The following IFT140 variants were observed in gnomAD, a reference collection of about 807,000 sequenced individuals.
The protein encoded by IFT140 is intraflagellar transport 140.
A neutral mutation model predicts 164.6 loss-of-function variants in IFT140; 133 were observed. That is an observed-to-expected ratio of 0.81 (90% CI 0.70 to 0.93). The LOEUF (loss-of-function observed/expected upper bound fraction) is 0.93, where lower values mean the gene tolerates loss of function less well. Among genes scored for constraint, IFT140 ranks in the 40% least tolerant of loss-of-function variants. The pLI is 0.00. For synonymous variants in IFT140, 860 were observed against 817.3 expected (o/e 1.05, Z -0.89); for missense variants, 2,045 against 1,972.3 (o/e 1.04, Z -0.70).
At chr16:1,525,169 T>C in intron 22 of IFT140, 62 bp downstream of exon 22, 1 of 1,375,102 alleles carries the variant, frequency 7.3e-7, no homozygotes. Context: ...CAGCAAGCCC[T>C]GGGGTCCCTG....
chr16:1,558,505 G>T (rs1056438559), intron 18 of IFT140, among the ~76,000 whole-genome samples: 2 of 152,258 alleles, frequency 1.3e-5, no homozygotes, highest in African/African-American at 4.8e-5. Flanking sequence ...AGCCTGGGCA[G>T]TGAGGCCCCG....
rs994980240 is a variant in IFT140, at chr16:1,553,050, C to T, written c.2399+4885G>A. 2.0e-6 allele frequency: 2 copies of T among 985,308 alleles called. No homozygotes were observed. The highest frequency in any genetic ancestry group is 2.4e-6 in the Non-Finnish European group (2 of 829,944). 61.0% of individuals were successfully genotyped at this position (985,308 alleles called of 1,614,324 possible). On this transcript the variant is annotated intron_variant, in intron 19 of 30. Coordinates refer to ENST00000426508, the MANE Select transcript of IFT140 (RefSeq NM_014714.4). The surrounding 1 kb of genome is among the most constrained non-coding windows in gnomAD (Gnocchi z 4.4). ...AAAGAATGAACACAGAAACCAGTCA[C>T]TGTCATTGTTCAGGACAAAATGGAG...
chr16:1,585,341 A>G (rs1372494738), intron 10 of IFT140, among the ~76,000 whole-genome samples: 2 of 152,200 alleles, frequency 1.3e-5, no homozygotes, highest in Admixed American at 6.5e-5. Context: ...GTGTGATTCC[A>G]TTTCCATGAA....
Position 1,593,309 on chromosome 16 carries a change from A to C in IFT140, c.370-721T>G, listed in dbSNP as rs530830102. 2.6e-5 allele frequency among the ~76,000 whole-genome samples: 4 copies of C among 152,086 alleles called. No individual in the cohort carries two copies. The South Asian group carries it at 8.3e-4, about 32-fold the overall frequency. On this transcript the variant is annotated intron_variant, in intron 4 of 30. Coordinates refer to ENST00000426508, the MANE Select transcript of IFT140 (RefSeq NM_014714.4). ...AACTGCTATATTTTCAACTTTTTAA[A>C]ATAAACTTTTTTTTTTTTTTGAGAT...
At position 1,519,965 on chromosome 16, in the gene IFT140, G is replaced by T. The variant is rs2040470204; in HGVS notation, c.3956C>A (p.Ala1319Asp). The T allele has an allele frequency of 1.3e-6, 2 of 1,599,432 alleles. No individual in the cohort carries two copies. The highest frequency in any genetic ancestry group is 4.5e-5 in the East Asian group (2 of 44,814). ...GGTCTCCTGGTCCAGGGGGCTCTTGGCCTTGGCCTTGGCCAGGCACTTGTA... is the reference window on the plus strand; with the variant it reads ...GGTCTCCTGGTCCAGGGGGCTCTTGTCCTTGGCCTTGGCCAGGCACTTGTA... ...EAYKCLAKAKAKSPLDQETRL... is the reference protein window; with the variant it reads ...EAYKCLAKAKDKSPLDQETRL... Residue 1319 changes from alanine (A) to aspartate (D), a missense_variant, in exon 29 of 31, where the codon GCC (alanine) becomes GAC (aspartate). By Grantham distance (126) the Ala-to-Asp change is moderately radical. Coordinates refer to ENST00000426508, the MANE Select transcript of IFT140 (RefSeq NM_014714.4).
At chr16:1,595,892 A>G (rs1009506761) in intron 4 of IFT140, among the ~76,000 whole-genome samples, 3 of 152,092 alleles carry the variant, frequency 2.0e-5, no homozygotes, top group Non-Finnish European at 4.4e-5. Flanking sequence ...GTCTCTACTA[A>G]AAATATAAAT....
chr16:1,524,488 C>T (rs972403684), intron 24 of IFT140, 64 bp downstream of exon 24: 38 of 1,577,600 alleles, frequency 2.4e-5, no homozygotes, highest in Non-Finnish European at 3.2e-5. Context: ...GTCCACTTTT[C>T]CACTTGAAGC....
chr16:1,550,031 C>T (rs1485517844), intron 19 of IFT140, among the ~76,000 whole-genome samples: 6 of 152,118 alleles, frequency 3.9e-5, no homozygotes, highest in African/African-American at 1.2e-4. Flanking sequence ...TCACGGCTTA[C>T]TGCAGACTCG....
At chr16:1,577,565 GC>G (rs1567393360) in intron 13 of IFT140, 2 of 152,152 alleles carry the variant, frequency 1.3e-5, no homozygotes, top group African/African-American at 4.8e-5. Flanking sequence ...CTAAGCAGCT[GC>G]CCCTCATCTG....
intron 30 of IFT140, among the ~76,000 whole-genome samples, chr16:1,516,391 T>G (rs1268370361): frequency 1.3e-5 from 2 of 152,104 alleles, no homozygotes; most frequent in Non-Finnish European, 2.9e-5. Context: ...AGTATGTTTA[T>G]GGTAATCTCC....
intron 22 of IFT140, 105 bp from the exon 23 acceptor site, chr16:1,525,021 C>T (rs1270140849): frequency 2.1e-6 from 3 of 1,458,170 alleles, no homozygotes; most frequent in Non-Finnish European, 1.8e-6. Flanking sequence ...GTCACCTGAC[C>T]TGCAAACAGG....
At chr16:1,606,313 G>A (rs558099830) in intron 3 of IFT140, among the ~76,000 whole-genome samples, 5 of 152,242 alleles carry the variant, frequency 3.3e-5, no homozygotes, top group Non-Finnish European at 7.3e-5. Flanking sequence ...ACTGTGAACT[G>A]ATAGTGGCTT....
intron 2 of IFT140, 123 bp from the exon 3 acceptor site, chr16:1,607,420 A>C: frequency 1.2e-6 from 1 of 827,380 alleles, no homozygotes; most frequent in Non-Finnish European, 1.8e-6. Context: ...CGGCAACTTG[A>C]AAATGCCTTG....
chr16:1,519,827 C>A, intron 29 of IFT140, 54 bp downstream of exon 29: 1 of 1,479,990 alleles, frequency 6.8e-7, no homozygotes, highest in Non-Finnish European at 9.0e-7. Flanking sequence ...TGGTCAGCCC[C>A]GGCCCTGTAG....
rs1255366364 is a variant in IFT140 at position 1,551,989 on chromosome 16, C to T, written c.2399+5946G>A. On this transcript the variant is annotated intron_variant, in intron 19 of 30. Coordinates refer to ENST00000426508, the MANE Select transcript of IFT140 (RefSeq NM_014714.4). The surrounding 1 kb of genome is among the most constrained non-coding windows in gnomAD (Gnocchi z 4.0). ...TGTCCCCCTGCAATGACGGTACCTCCAGGTCCCCTATGTGTGGAAACTGAC... is the reference window on the plus strand; with the variant it reads ...TGTCCCCCTGCAATGACGGTACCTCTAGGTCCCCTATGTGTGGAAACTGAC... 1.3e-5 allele frequency among the ~76,000 whole-genome samples: 2 copies of T among 152,166 alleles called. No homozygotes were observed. Among genetic ancestry groups the T allele is most frequent in the Admixed American group, 6.5e-5 (1 of 15,284 alleles).
At position 1,587,324 on chromosome 16, in the gene IFT140, G is replaced by A. The variant is rs747020339; in HGVS notation, c.903-20C>T. The A allele has an allele frequency of 1.9e-5, 28 of 1,502,062 alleles. No individual in the cohort carries two copies. The highest frequency in any genetic ancestry group is 2.6e-5 in the Non-Finnish European group (28 of 1,078,596). 93.0% of individuals were successfully genotyped at this position (1,502,062 alleles called of 1,614,324 possible). On this transcript the variant is annotated intron_variant, in intron 8 of 30. Coordinates refer to ENST00000426508, the MANE Select transcript of IFT140 (RefSeq NM_014714.4). ...CAGAATCTACAACAGAAGAAAGCAA[G>A]CCCCATGGAGGGCCTGTGTTAGTGG...
rs371785055 is a variant in IFT140, at chr16:1,591,968, A to G, written c.634+208T>C. ...ACAAGCAAAACTCAACTTGTCTATC[A>G]GAACAAAGCGAGGGCAACATTTCAA... On this transcript the variant is annotated intron_variant, in intron 6 of 30. Transcript: ENST00000426508. Among the ~76,000 whole-genome samples, 37 of 152,380 alleles carry G rather than the reference A, an allele frequency of 2.4e-4. No individual in the cohort carries two copies. The East Asian group carries it at 4.2e-3, about 17-fold the overall frequency.
chr16:1,572,067 T>G (rs1284806628), intron 13 of IFT140, among the ~76,000 whole-genome samples: 1 of 151,960 alleles, frequency 6.6e-6, no homozygotes, highest in Non-Finnish European at 1.5e-5. Context: ...GCTGGCAATG[T>G]CCCACCCGCG....
intron 4 of IFT140, among the ~76,000 whole-genome samples, chr16:1,595,888 A>G (rs921688615): frequency 6.6e-6 from 1 of 152,150 alleles, no homozygotes; most frequent in African/African-American, 2.4e-5. Context: ...TCCTGTCTCT[A>G]CTAAAAATAT....
Sources: gnomAD v4.1 joint callset for allele counts (sites outside exome capture counted in the v4.1 genomes callset) on GRCh38, gnomAD v4.1.1 for gene constraint, Gnocchi (gnomAD v3.1) non-coding constraint, MANE v1.5 for transcripts, NCBI Gene and HGNC (gene_info 2026-07-23, HGNC 2026-07-21) for gene names.